LINGO2: variants seen among roughly 807,000 people sequenced by gnomAD.
LINGO2 encodes the protein leucine-rich repeat and immunoglobulin-like domain-containing nogo receptor-interacting protein 2.
LINGO2 carries 14 observed loss-of-function variants against 30.6 expected under a neutral mutation model. The observed-to-expected ratio is 0.46, with a 90% CI of 0.30 to 0.72. The LOEUF is 0.72. Among genes scored for constraint, LINGO2 ranks in the 30% least tolerant of loss-of-function variants. The probability of loss-of-function intolerance (pLI) is 0.07; values close to 1 mark genes in which losing one functional copy is unlikely to be tolerated. For synonymous variants in LINGO2, 317 were observed against 288.5 expected, an observed-to-expected ratio of 1.10 and a Z score of -1.00; for missense variants, 729 against 751.7, an observed-to-expected ratio of 0.97 and a Z score of 0.35.
chr9:29,102,793 T>C, the LINGO2 span, among the ~76,000 whole-genome samples: 1 of 152,264 alleles, frequency 6.6e-6, no homozygotes, highest in East Asian at 1.9e-4. Flanking sequence ...TATTAAACAT[T>C]ACATCTAGAG....
chr9:28,730,685 T>C, the LINGO2 span, among the ~76,000 whole-genome samples: 1 of 152,134 alleles, frequency 6.6e-6, no homozygotes, highest in African/African-American at 2.4e-5. Flanking sequence ...ACATACTGTA[T>C]AAAAAGAAGT....
chr9:28,086,816 T>TTTTA (rs1277264814), intron 4 of LINGO2, among the ~76,000 whole-genome samples: 7 of 152,114 alleles, frequency 4.6e-5, no homozygotes, highest in Non-Finnish European at 1.5e-5. Context: ...AAGGCTATAA[T>TTTTA]TTTATTGACA....
chr9:28,576,360 T>C (rs746210583), intron 1 of LINGO2, among the ~76,000 whole-genome samples: 22 of 152,320 alleles, frequency 1.4e-4, no homozygotes, highest in African/African-American at 7.2e-5. Context: ...TGCACCATGG[T>C]AAACTAAAAA....
At chr9:27,949,444 G>T (rs199551773) in exon 6 of LINGO2, 7 of 1,613,890 alleles carry the variant, frequency 4.3e-6, no homozygotes, top group Non-Finnish European at 5.9e-6. Context: ...CGGATTTTGG[G>T]TTTTTTGCAG....
chr9:28,460,525 A>G (rs762195058), intron 2 of LINGO2, among the ~76,000 whole-genome samples: 2 of 152,182 alleles, frequency 1.3e-5, no homozygotes, highest in Non-Finnish European at 2.9e-5. Flanking sequence ...TTAGAAACAT[A>G]CATAAGAATA....
At chr9:28,989,086 G>A in the LINGO2 span, among the ~76,000 whole-genome samples, 3 of 152,060 alleles carry the variant, frequency 2.0e-5, no homozygotes, top group African/African-American at 7.2e-5. Flanking sequence ...CGTCAATAAT[G>A]CTATAATGGA....
At chr9:28,811,071 A>G in the LINGO2 span, among the ~76,000 whole-genome samples, 1 of 152,164 alleles carries the variant, frequency 6.6e-6, no homozygotes, top group Non-Finnish European at 1.5e-5. Context: ...AATATGGACA[A>G]CACAGAACTC....
chr9:28,669,925 T>G (rs1828948921), intron 1 of LINGO2, among the ~76,000 whole-genome samples: 1 of 151,936 alleles, frequency 6.6e-6, no homozygotes, highest in African/African-American at 2.4e-5. Context: ...ACAGAAACAG[T>G]ATACAGACTG....
chr9:28,352,309 G>T (rs1819934593), intron 3 of LINGO2, among the ~76,000 whole-genome samples: 1 of 141,972 alleles, frequency 7.0e-6, no homozygotes, highest in South Asian at 2.4e-4. Flanking sequence ...AAAGTCTCAG[G>T]ATACAAAATC....
At chr9:29,154,636 T>A in the LINGO2 span, among the ~76,000 whole-genome samples, 1 of 152,166 alleles carries the variant, frequency 6.6e-6, no homozygotes, top group East Asian at 1.9e-4. Context: ...CCCAATTTAC[T>A]ATATAATGTA....
the LINGO2 span, among the ~76,000 whole-genome samples, chr9:28,925,290 T>C: frequency 2.0e-5 from 3 of 152,214 alleles, no homozygotes; most frequent in Non-Finnish European, 2.9e-5. Flanking sequence ...TATCTTTGTT[T>C]ACCTGGGGAT....
chr9:28,913,041 T>C, the LINGO2 span, among the ~76,000 whole-genome samples: 1 of 152,140 alleles, frequency 6.6e-6, no homozygotes, highest in Non-Finnish European at 1.5e-5. Flanking sequence ...ATTAACATTA[T>C]ATTTTGAGGT....
intron 4 of LINGO2, among the ~76,000 whole-genome samples, chr9:28,073,417 C>CA (rs1039188439): frequency 6.6e-6 from 1 of 152,046 alleles, no homozygotes; most frequent in Non-Finnish European, 1.5e-5. Context: ...ATAGTTAAAA[C>CA]AAAAACAAAA....
At chr9:28,121,721 T>G (rs1374101390) in intron 4 of LINGO2, among the ~76,000 whole-genome samples, 2 of 152,208 alleles carry the variant, frequency 1.3e-5, no homozygotes, top group Non-Finnish European at 2.9e-5. Flanking sequence ...TTGGAAAGAT[T>G]GTTTTACTTA....
chr9:28,092,549 G>T (rs528030350), intron 4 of LINGO2, among the ~76,000 whole-genome samples: 15 of 149,298 alleles, frequency 1.0e-4, no homozygotes, highest in African/African-American at 3.7e-4. Flanking sequence ...CCTGTTGTGC[G>T]GTGGGGGGGA....
chr9:29,157,267 A>G, the LINGO2 span, among the ~76,000 whole-genome samples: 1 of 152,168 alleles, frequency 6.6e-6, no homozygotes, highest in African/African-American at 2.4e-5. Flanking sequence ...AATAATTACA[A>G]TAAGATTTGA....
the LINGO2 span, among the ~76,000 whole-genome samples, chr9:29,209,828 A>G: frequency 1.3e-5 from 2 of 152,168 alleles, no homozygotes; most frequent in African/African-American, 4.8e-5. Flanking sequence ...ACAAAGAGAA[A>G]TATTTACATA....
chr9:28,889,118 C>T, the LINGO2 span, among the ~76,000 whole-genome samples: 1 of 152,128 alleles, frequency 6.6e-6, no homozygotes, highest in African/African-American at 2.4e-5. Context: ...CACTGGTCAC[C>T]TTCATTTATG....
chr9:28,609,156 G>GT (rs397942277), intron 1 of LINGO2, among the ~76,000 whole-genome samples: 15,578 of 140,926 alleles, frequency 0.11, 1,115 homozygotes, highest in African/African-American at 0.2. Flanking sequence ...GAGCTAAAGA[G>GT]TTTTTTTTTT....
Sources: gnomAD v4.1 joint callset for allele counts (sites outside exome capture counted in the v4.1 genomes callset) on GRCh38, gnomAD v4.1.1 for gene constraint, MANE v1.5 for transcripts, NCBI Gene and HGNC (gene_info 2026-07-23, HGNC 2026-07-21) for gene names.